PDXDC1: variants seen among roughly 807,000 people sequenced by gnomAD.
The protein encoded by PDXDC1 is pyridoxal-dependent decarboxylase domain-containing protein 1.
PDXDC1 carries 42 observed loss-of-function variants against 100.1 expected under a neutral mutation model. The ratio of observed to expected loss-of-function variants is 0.42; its 90% CI spans 0.33 to 0.54. The LOEUF (loss-of-function observed/expected upper bound fraction) is 0.54. Ranked by LOEUF, PDXDC1 falls within the 20% of genes least tolerant of loss-of-function variation. The pLI is 0.10. For synonymous variants in PDXDC1, 260 were observed against 371.7 expected, an observed-to-expected ratio of 0.70 and a Z score of 3.46; for missense variants, 636 against 979.2, an observed-to-expected ratio of 0.65 and a Z score of 4.68.
chr16:15,125,063 C>G (rs992580885), intron 16 of PDXDC1, among the ~76,000 whole-genome samples: 1 of 145,352 alleles, frequency 6.9e-6, no homozygotes, highest in East Asian at 2.0e-4. Context: ...AGGACAATCC[C>G]TTGAACCCGG....
At chr16:15,097,933 T>C (rs185881687) in intron 16 of PDXDC1, among the ~76,000 whole-genome samples, 107 of 144,176 alleles carry the variant, frequency 7.4e-4, no homozygotes, top group African/African-American at 2.4e-3. Context: ...GTTTTCAACA[T>C]TATGCTTTTT....
chr16:14,992,788 C>T (rs1250090646), intron 1 of PDXDC1, among the ~76,000 whole-genome samples: 8 of 152,372 alleles, frequency 5.3e-5, no homozygotes, highest in African/African-American at 1.9e-4. Context: ...CTTAACCTCT[C>T]TGCATCTTAG....
downstream of PDXDC1, among the ~76,000 whole-genome samples, chr16:15,141,503 C>T (rs2048474990): frequency 6.6e-6 from 1 of 152,184 alleles, no homozygotes; most frequent in South Asian, 2.1e-4. Flanking sequence ...TTCCCTTCCC[C>T]CAGGGGCTGT....
chr16:15,041,576 G>C (rs755297376), downstream of PDXDC1: 1 of 1,360,570 alleles, frequency 7.3e-7, no homozygotes, highest in Non-Finnish European at 1.1e-6. Flanking sequence ...GGGACAAAAC[G>C]GTCCTGAGAC....
intron 16 of PDXDC1, chr16:15,083,790 C>T (rs1597974141): frequency 2.1e-6 from 1 of 485,682 alleles, no homozygotes; most frequent in East Asian, 4.6e-5. Context: ...AATCTCAGCT[C>T]ACTGCAACCT....
chr16:15,032,669 A>AAAAAAAAAAAAAAGG, intron 17 of PDXDC1, 192 bp from the exon 18 acceptor site: 1 of 448,488 alleles, frequency 2.2e-6, no homozygotes, highest in Non-Finnish European at 3.9e-6. Flanking sequence ...AAAAAAAAAA[A>AAAAAAAAAAAAAAGG]GGCTTTCCTG....
rs2377198 is a variant in PDXDC1 at position 15,062,678 on chromosome 16, A to G, written c.1399+32622A>G. On this transcript the variant is annotated intron_variant, in intron 16 of 16. Coordinates refer to the PDXDC1 transcript ENST00000535621. ...AGTCAACTGGAGATTGTTACTTGGTAAGAATGCGCAAGTGGCAAAGATCTA... is the reference window on the plus strand; with the variant it reads ...AGTCAACTGGAGATTGTTACTTGGTGAGAATGCGCAAGTGGCAAAGATCTA... Among the ~76,000 whole-genome samples the G allele has an allele frequency of 1.5e-4, 23 of 152,230 alleles. No individual in the cohort carries two copies. The East Asian group carries it at 4.0e-3, about 27-fold the overall frequency.
downstream of PDXDC1, chr16:15,041,120 T>C (rs2043795698): frequency 6.5e-7 from 1 of 1,537,238 alleles, no homozygotes. Context: ...GGTCATTTAA[T>C]TCTACAAAAT....
chr16:15,097,938 CTTT>C, intron 16 of PDXDC1, among the ~76,000 whole-genome samples: 1 of 89,632 alleles, frequency 1.1e-5, no homozygotes, highest in South Asian at 4.3e-4. Flanking sequence ...CAACATTATG[CTTT>C]TTTTTTTTTT....
chr16:15,092,651 A>G (rs1312721605), intron 16 of PDXDC1: 2 of 1,237,362 alleles, frequency 1.6e-6, no homozygotes, highest in Non-Finnish European at 2.4e-6. Context: ...TAAGTTCATG[A>G]AAATAATAAA....
intron 16 of PDXDC1, among the ~76,000 whole-genome samples, chr16:15,090,839 T>G (rs1384612288): frequency 1.3e-5 from 2 of 151,656 alleles, no homozygotes; most frequent in Non-Finnish European, 2.9e-5. Context: ...ATGATAGGTG[T>G]ATCTCGAACC....
At chr16:15,128,624 C>T (rs1424332822) in intron 16 of PDXDC1, among the ~76,000 whole-genome samples, 1 of 151,912 alleles carries the variant, frequency 6.6e-6, no homozygotes, top group Non-Finnish European at 1.5e-5. Flanking sequence ...TTGTGACATG[C>T]AAACATGGCT....
chr16:15,098,432 C>T (rs1462990345), intron 16 of PDXDC1, among the ~76,000 whole-genome samples: 2 of 151,870 alleles, frequency 1.3e-5, no homozygotes, highest in East Asian at 1.9e-4. Context: ...AATGCCTGAC[C>T]TCAGGTGATC....
intron 1 of PDXDC1, chr16:14,989,459 A>G: frequency 6.2e-7 from 1 of 1,609,532 alleles, no homozygotes; most frequent in Non-Finnish European, 8.5e-7. Flanking sequence ...TCTCCAGGGT[A>G]CTGGTGAAGG....
chr16:15,030,078 T>A, intron 16 of PDXDC1, 22 bp downstream of exon 16: 1 of 1,548,552 alleles, frequency 6.5e-7, no homozygotes, highest in Non-Finnish European at 8.7e-7. Context: ...TTGGTGGACA[T>A]CCCTTGCTTT....
intron 17 of PDXDC1, chr16:15,032,390 G>T: frequency 5.8e-6 from 1 of 171,038 alleles, no homozygotes; most frequent in Non-Finnish European, 1.3e-5. Context: ...GGTGGCTCAT[G>T]CCTGTAATCC....
At position 15,037,797 on chromosome 16, in the gene PDXDC1, C is replaced by CA. The variant is rs11376559; in HGVS notation, c.*1532dup. ...TTCTCCTCTGCCCGTTATTACCGAC[C>CA]AAAAAAAAAACTGGACATCAATTTT... On this transcript the variant is annotated 3_prime_UTR_variant, in exon 23 of 23. Coordinates refer to ENST00000396410, the MANE Select transcript of PDXDC1 (RefSeq NM_015027.4). The CA allele has an allele frequency of 0.31, 118,768 of 385,042 alleles. 9,980 individuals carry two copies. Among genetic ancestry groups the CA allele is most frequent in the Admixed American group, 0.43 (9,996 of 23,306 alleles). 23.9% of individuals were successfully genotyped at this position (385,042 alleles called of 1,614,324 possible).
chr16:15,129,981 G>T, intron 16 of PDXDC1: 1 of 1,258,758 alleles, frequency 7.9e-7, no homozygotes, highest in Non-Finnish European at 1.1e-6. Context: ...GCATCCAACT[G>T]GTCCAGCTTG....
intron 16 of PDXDC1, among the ~76,000 whole-genome samples, chr16:15,088,061 A>G (rs1364189272): frequency 6.6e-6 from 1 of 152,146 alleles, no homozygotes; most frequent in Admixed American, 6.6e-5. Flanking sequence ...GGTTGCAGTG[A>G]GCCAAGATCA....
Sources: allele counts gnomAD v4.1 joint callset (sites outside exome capture counted in the v4.1 genomes callset), GRCh38; gene constraint gnomAD v4.1.1; transcripts MANE v1.5; gene names NCBI Gene and HGNC (gene_info 2026-07-23, HGNC 2026-07-21).